Variants in EVI5 observed in about 807,000 individuals in gnomAD.
EVI5 encodes the protein ecotropic viral integration site 5 protein homolog.
In EVI5, 73 loss-of-function variants were observed where a neutral mutation model predicts 112.0. That is an observed-to-expected ratio of 0.65 (90% CI 0.54 to 0.79). EVI5 has a LOEUF of 0.79. EVI5 is among the 30% of genes least tolerant of loss of function. The probability of loss-of-function intolerance (pLI) is 0.00; values close to 1 mark genes in which losing one functional copy is unlikely to be tolerated. For synonymous variants in EVI5, 305 were observed against 319.9 expected, an observed-to-expected ratio of 0.95 and a Z score of 0.50; for missense variants, 900 against 968.8, an observed-to-expected ratio of 0.93 and a Z score of 0.94.
intron 19 of EVI5, among the ~76,000 whole-genome samples, chr1:92,522,631 C>A (rs866592975): frequency 2.3e-3 from 163 of 70,446 alleles, no homozygotes; most frequent in South Asian, 3.6e-3. Flanking sequence ...ACTCCATCTC[C>A]AAAAAAAAAA....
chr1:92,576,362 G>GT (rs1381982907), intron 18 of EVI5, among the ~76,000 whole-genome samples: 2 of 152,056 alleles, frequency 1.3e-5, no homozygotes, highest in Non-Finnish European at 2.9e-5. Flanking sequence ...AGTATTGGTA[G>GT]TTATAATTTT....
chr1:92,585,519 G>A (rs72724515), intron 18 of EVI5, among the ~76,000 whole-genome samples: 29,936 of 151,870 alleles, frequency 0.2, 3,504 homozygotes, highest in Middle Eastern at 0.26. Context: ...TTCACACAAG[G>A]TCTAAAAGGT....
At chr1:92,571,863 A>G (rs1180583445) in intron 18 of EVI5, among the ~76,000 whole-genome samples, 2 of 152,204 alleles carry the variant, frequency 1.3e-5, no homozygotes, top group East Asian at 3.8e-4. Context: ...TTGCCAGTTA[A>G]CTGGTTTCCT....
At chr1:92,788,731 T>G (rs1685856191), upstream of EVI5, among the ~76,000 whole-genome samples, 1 of 151,924 alleles carries the variant, frequency 6.6e-6, no homozygotes, top group Non-Finnish European at 1.5e-5. Flanking sequence ...GAGGTGGAGC[T>G]TGCAGTGAGC....
chr1:92,672,974 G>A (rs1666117910), intron 10 of EVI5, among the ~76,000 whole-genome samples: 1 of 152,112 alleles, frequency 6.6e-6, no homozygotes, highest in Admixed American at 6.5e-5. Context: ...CTCGCAATGT[G>A]ACCACTGGCA....
intron 19 of EVI5, among the ~76,000 whole-genome samples, chr1:92,539,759 C>T (rs768608234): frequency 1.1e-4 from 16 of 152,082 alleles, no homozygotes; most frequent in Non-Finnish European, 2.1e-4. Flanking sequence ...AATTTGATGG[C>T]TTTTAGTATA....
chr1:92,654,851 A>G (rs1017773241), intron 13 of EVI5, among the ~76,000 whole-genome samples: 4 of 152,246 alleles, frequency 2.6e-5, no homozygotes, highest in Admixed American at 6.5e-5. Flanking sequence ...CTTTAACAGT[A>G]GACTAAACCC....
chr1:92,680,599 C>T (rs1036042226), intron 9 of EVI5, among the ~76,000 whole-genome samples: 30 of 152,248 alleles, frequency 2.0e-4, no homozygotes, highest in Admixed American at 5.9e-4. Flanking sequence ...GAGGTTACTA[C>T]ATAATCTCAA....
intron 13 of EVI5, among the ~76,000 whole-genome samples, chr1:92,657,338 G>A (rs2102117093): frequency 6.6e-6 from 1 of 152,200 alleles, no homozygotes; most frequent in South Asian, 2.1e-4. Flanking sequence ...ATCCCTTCAT[G>A]ATTAAAAACA....
chr1:92,612,787 A>G (rs1360878691), intron 16 of EVI5, among the ~76,000 whole-genome samples: 1 of 151,996 alleles, frequency 6.6e-6, no homozygotes, highest in Non-Finnish European at 1.5e-5. Flanking sequence ...GGAGAGATGC[A>G]ATGGGATTTA....
intron 2 of EVI5, among the ~76,000 whole-genome samples, chr1:92,716,389 A>G (rs988987434): frequency 3.3e-5 from 5 of 152,224 alleles, no homozygotes; most frequent in Admixed American, 1.3e-4. Context: ...TGACTGTTAG[A>G]AGGAAAACTA....
At chr1:92,563,599 G>A (rs1156856299) in intron 19 of EVI5, 43 bp downstream of exon 19, 2 of 984,598 alleles carry the variant, frequency 2.0e-6, no homozygotes, top group Non-Finnish European at 3.2e-6. Context: ...CAATACAGAG[G>A]AAGGAAGAAA....
intron 2 of EVI5, among the ~76,000 whole-genome samples, chr1:92,708,371 T>G (rs1375891626): frequency 6.6e-6 from 1 of 152,114 alleles, no homozygotes; most frequent in Non-Finnish European, 1.5e-5. Flanking sequence ...CATAAGAAGA[T>G]GTTCAACATC....
chr1:92,551,241 C>G (rs1376900323), intron 19 of EVI5, among the ~76,000 whole-genome samples: 1 of 145,792 alleles, frequency 6.9e-6, no homozygotes, highest in African/African-American at 2.6e-5. Context: ...CCATGTTGCT[C>G]AGGCTGATCT....
At chr1:92,601,558 C>T (rs1326004146) in intron 18 of EVI5, among the ~76,000 whole-genome samples, 2 of 135,586 alleles carry the variant, frequency 1.5e-5, no homozygotes. Context: ...TCATTCACAA[C>T]AACATGAATG....
At chr1:92,737,306 G>T (rs924748561) in intron 1 of EVI5, among the ~76,000 whole-genome samples, 1 of 152,118 alleles carries the variant, frequency 6.6e-6, no homozygotes, top group African/African-American at 2.4e-5. Flanking sequence ...AATAGAATGG[G>T]ATGCCTAGGA....
At chr1:92,661,875 ACTT>A (rs142351568) in intron 13 of EVI5, among the ~76,000 whole-genome samples, 762 of 152,246 alleles carry the variant, frequency 5.0e-3, no homozygotes, top group African/African-American at 0.017. Context: ...GATTAACACA[ACTT>A]CTTCTGCTTA....
intron 1 of EVI5, among the ~76,000 whole-genome samples, chr1:92,765,153 T>C (rs1355137959): frequency 6.6e-6 from 1 of 151,842 alleles, no homozygotes; most frequent in Non-Finnish European, 1.5e-5. Context: ...TCAATTCTGC[T>C]ACCAGACATT....
intron 14 of EVI5, among the ~76,000 whole-genome samples, chr1:92,630,570 C>G (rs1196219317): frequency 6.8e-6 from 1 of 147,894 alleles, no homozygotes; most frequent in African/African-American, 2.4e-5. Flanking sequence ...GGATATTAGC[C>G]CTTCGTCAGA....
Sources: allele counts gnomAD v4.1 joint callset (sites outside exome capture counted in the v4.1 genomes callset), GRCh38; gene constraint gnomAD v4.1.1; transcripts MANE v1.5; gene names NCBI Gene and HGNC (gene_info 2026-07-23, HGNC 2026-07-21).